Variants in BBX observed in about 807,000 individuals in gnomAD.
BBX encodes HMG box transcription factor BBX.
A neutral mutation model predicts 100.2 loss-of-function variants in BBX; 30 were observed. The observed-to-expected ratio is 0.30, with a 90% confidence interval of 0.22 to 0.41. The LOEUF (loss-of-function observed/expected upper bound fraction) is 0.41, where lower values mean the gene tolerates loss of function less well. Among genes scored for constraint, BBX ranks in the 10% least tolerant of loss-of-function variants. BBX has a pLI of 1.00. For synonymous variants in BBX, 376 were observed against 388.1 expected (o/e 0.97, Z 0.37); for missense variants, 1,023 against 1,129.8 (o/e 0.91, Z 1.35).
chr3:107,647,191 A>G (rs1207773818), intron 3 of BBX, among the ~76,000 whole-genome samples: 1 of 152,154 alleles, frequency 6.6e-6, no homozygotes, highest in African/African-American at 2.4e-5. Flanking sequence ...AATTTTCAAA[A>G]ATTGATACTG....
intron 2 of BBX, among the ~76,000 whole-genome samples, chr3:107,611,730 G>A (rs2054862114): frequency 6.6e-6 from 1 of 152,010 alleles, no homozygotes; most frequent in Non-Finnish European, 1.5e-5. Flanking sequence ...GGTTAAATCT[G>A]CTTGGTGTTA....
At chr3:107,663,527 A>T (rs1296552965) in intron 3 of BBX, among the ~76,000 whole-genome samples, 2 of 151,918 alleles carry the variant, frequency 1.3e-5, no homozygotes, top group African/African-American at 4.8e-5. Flanking sequence ...CTTAATGTTG[A>T]GTTTATTACT....
chr3:107,604,258 T>C (rs2054270954), intron 2 of BBX, among the ~76,000 whole-genome samples: 1 of 152,136 alleles, frequency 6.6e-6, no homozygotes, highest in African/African-American at 2.4e-5. Flanking sequence ...CCGTTTTGGG[T>C]ACTGTTTGTA....
chr3:107,795,635 T>TTTTTTTC, intron 15 of BBX, among the ~76,000 whole-genome samples: 1 of 146,056 alleles, frequency 6.8e-6, no homozygotes, highest in Non-Finnish European at 1.5e-5. Context: ...TTTTTTTTTT[T>TTTTTTTC]TTTGCCTCTT....
At chr3:107,769,035 G>A (rs1394088454) in intron 10 of BBX, among the ~76,000 whole-genome samples, 2 of 151,126 alleles carry the variant, frequency 1.3e-5, no homozygotes, top group East Asian at 1.9e-4. Context: ...GGGCATAGTG[G>A]CATGAACCTG....
chr3:107,726,337 T>A (rs1277951124), intron 5 of BBX, among the ~76,000 whole-genome samples: 1 of 151,880 alleles, frequency 6.6e-6, no homozygotes, highest in Non-Finnish European at 1.5e-5. Flanking sequence ...ATATACTGCT[T>A]GTGTTAACTT....
intron 2 of BBX, among the ~76,000 whole-genome samples, chr3:107,616,073 TA>T (rs1329397479): frequency 7.0e-6 from 1 of 143,756 alleles, no homozygotes; most frequent in African/African-American, 2.6e-5. Flanking sequence ...AAATTTTTTT[TA>T]ACTAAACTTT....
intron 2 of BBX, among the ~76,000 whole-genome samples, chr3:107,634,968 A>G (rs1360245916): frequency 6.6e-6 from 1 of 152,178 alleles, no homozygotes; most frequent in Non-Finnish European, 1.5e-5. Flanking sequence ...TGTGATGTTC[A>G]TGTGTGACCA....
At chr3:107,659,950 A>G (rs2058358864) in intron 3 of BBX, among the ~76,000 whole-genome samples, 2 of 152,150 alleles carry the variant, frequency 1.3e-5, no homozygotes, top group Admixed American at 6.6e-5. Context: ...CTCTGTCTTA[A>G]CTGGCATCCT....
intron 9 of BBX, among the ~76,000 whole-genome samples, chr3:107,753,751 AG>A (rs1398701592): frequency 1.3e-5 from 2 of 152,222 alleles, no homozygotes; most frequent in East Asian, 3.9e-4. Context: ...TGTGAAGTGC[AG>A]TGCTACGCAG....
chr3:107,778,310 T>C, intron 12 of BBX, 61 bp from the exon 13 acceptor site: 1 of 1,569,830 alleles, frequency 6.4e-7, no homozygotes, highest in East Asian at 2.2e-5. Flanking sequence ...ATATATTTCA[T>C]GTCACTTTCT....
At chr3:107,587,701 T>C (rs930738820) in intron 2 of BBX, among the ~76,000 whole-genome samples, 1 of 152,190 alleles carries the variant, frequency 6.6e-6, no homozygotes, top group African/African-American at 2.4e-5. Context: ...ATCATTCGAA[T>C]TCATTTTCAC....
chr3:107,706,562 C>G (rs141212989), intron 3 of BBX, among the ~76,000 whole-genome samples: 80 of 152,132 alleles, frequency 5.3e-4, no homozygotes, highest in Admixed American at 1.2e-3. Flanking sequence ...TTTTCAAGTA[C>G]AGAGTCCATT....
intron 2 of BBX, among the ~76,000 whole-genome samples, chr3:107,554,928 C>G (rs1037571702): frequency 8.0e-4 from 122 of 151,972 alleles, no homozygotes; most frequent in African/African-American, 2.8e-3. Flanking sequence ...ATTAGCCGGG[C>G]ATGGTGACGC....
chr3:107,679,554 A>G (rs2059466101), intron 3 of BBX, among the ~76,000 whole-genome samples: 2 of 152,206 alleles, frequency 1.3e-5, no homozygotes, highest in Non-Finnish European at 2.9e-5. Flanking sequence ...TAAATAAAAT[A>G]TCACCTCTTC....
intron 2 of BBX, among the ~76,000 whole-genome samples, chr3:107,551,041 A>G (rs111839217): frequency 2.0e-5 from 3 of 152,206 alleles, no homozygotes; most frequent in Non-Finnish European, 4.4e-5. Flanking sequence ...TATCTAAGTC[A>G]TTCTCCTAGG....
At chr3:107,698,593 A>G (rs1347394146) in intron 3 of BBX, among the ~76,000 whole-genome samples, 7 of 151,188 alleles carry the variant, frequency 4.6e-5, no homozygotes, top group Admixed American at 4.6e-4. Flanking sequence ...TGGAGGTTGC[A>G]GTGAGCCGAG....
At position 107,691,140 on chromosome 3, in the gene BBX, C is replaced by G. The variant is rs369127055; in HGVS notation, c.-9-19312C>G. Among the ~76,000 whole-genome samples the G allele has an allele frequency of 3.9e-5, 6 of 152,026 alleles. No homozygotes were observed. The East Asian group carries it at 9.7e-4, about 25-fold the overall frequency. Reference sequence around the variant, plus strand: ...TAGGCTGGTCTCAAACCCCTAGGCTCAAACGATTACTCCTGCCTTGACCTA... The same window carrying G: ...TAGGCTGGTCTCAAACCCCTAGGCTGAAACGATTACTCCTGCCTTGACCTA... On this transcript the variant is annotated intron_variant, in intron 3 of 17. Transcript: ENST00000325805.
At position 107,773,750 on chromosome 3, in the gene BBX, C is replaced by T. The variant is rs2067098364; in HGVS notation, c.1915+114C>T. The T allele has an allele frequency of 1.1e-6, 1 of 905,388 alleles. No homozygotes were observed. The highest frequency in any genetic ancestry group is 1.6e-6 in the Non-Finnish European group (1 of 610,324). 56.1% of individuals were successfully genotyped at this position (905,388 alleles called of 1,614,324 possible). ...AATATGGTATCAAAATAATACCTTACATTTGTATATTTCTTTATGGTTTAT... is the reference window on the plus strand; with the variant it reads ...AATATGGTATCAAAATAATACCTTATATTTGTATATTTCTTTATGGTTTAT... On this transcript the variant is annotated intron_variant, in intron 11 of 17. Coordinates refer to ENST00000325805, the MANE Select transcript of BBX (RefSeq NM_001142568.3). This position sits in a 1 kb window ranked among gnomAD's most constrained non-coding sequence, Gnocchi z 4.1.
Sources: allele counts gnomAD v4.1 joint callset (sites outside exome capture counted in the v4.1 genomes callset), GRCh38; gene constraint gnomAD v4.1.1; non-coding constraint Gnocchi (gnomAD v3.1); transcripts MANE v1.5; gene names NCBI Gene and HGNC (gene_info 2026-07-23, HGNC 2026-07-21).